ADK: variants seen among roughly 807,000 people sequenced by gnomAD.
ADK encodes the protein N6,N6-dimethyladenosine kinase.
A neutral mutation model predicts 44.7 loss-of-function variants in ADK; 24 were observed. The observed-to-expected ratio is 0.54, with a 90% CI of 0.39 to 0.76. The LOEUF is 0.76. Ranked by LOEUF, ADK falls within the 30% of genes least tolerant of loss-of-function variation. The probability of loss-of-function intolerance (pLI) is 0.00; values close to 1 mark genes in which losing one functional copy is unlikely to be tolerated. For missense variants in ADK, 321 were observed against 425.1 expected, an observed-to-expected ratio of 0.76 and a Z score of 2.15; for synonymous variants, 128 against 142.6, an observed-to-expected ratio of 0.90 and a Z score of 0.73.
intron 9 of ADK, among the ~76,000 whole-genome samples, chr10:74,651,474 T>C (rs1295599833): frequency 6.6e-6 from 1 of 152,190 alleles, no homozygotes; most frequent in African/African-American, 2.4e-5. Context: ...TAAGGGGTTG[T>C]ATTATGCAGC....
intron 2 of ADK, among the ~76,000 whole-genome samples, chr10:74,202,250 T>G (rs911276088): frequency 2.6e-5 from 4 of 152,250 alleles, no homozygotes; most frequent in African/African-American, 9.6e-5. Context: ...ATTTTACTTA[T>G]GTAATGCTTT....
chr10:74,595,676 C>CAAGAAATGAAA (rs768207911), intron 8 of ADK, among the ~76,000 whole-genome samples: 3 of 138,640 alleles, frequency 2.2e-5, no homozygotes, highest in Admixed American at 7.2e-5. Context: ...GCGCCCATCG[C>CAAGAAATGAAA]CATATCAGTT....
intron 3 of ADK, among the ~76,000 whole-genome samples, chr10:74,279,022 T>G (rs1299857291): frequency 6.6e-6 from 1 of 152,224 alleles, no homozygotes; most frequent in African/African-American, 2.4e-5. Context: ...GGCTCACGCC[T>G]GTAATCCCAG....
At position 74,246,024 on chromosome 10, in the gene ADK, T is replaced by TA. The variant is rs893376243; in HGVS notation, c.194+21441dup. 4.6e-5 allele frequency among the ~76,000 whole-genome samples: 7 copies of TA among 151,836 alleles called. 1 individual carries two copies. Among genetic ancestry groups the TA allele is most frequent in the South Asian group, 4.2e-4 (2 of 4,806 alleles). On this transcript the variant is annotated intron_variant, in intron 3 of 10. Transcript: ENST00000539909. ...GATGAGGATAAGTGTATATTCAGGTTAAAAAAAATCAAAATATTATTGTCA... is the reference window on the plus strand; with the variant it reads ...GATGAGGATAAGTGTATATTCAGGTTAAAAAAAAATCAAAATATTATTGTCA...
At chr10:74,605,700 A>AT (rs1227152506) in intron 9 of ADK, among the ~76,000 whole-genome samples, 1 of 152,010 alleles carries the variant, frequency 6.6e-6, no homozygotes, top group African/African-American at 2.4e-5. Flanking sequence ...TTGGCCTGAA[A>AT]TTTTCTTTTT....
chr10:74,188,984 G>T (rs1252640414), intron 1 of ADK, among the ~76,000 whole-genome samples: 4 of 152,030 alleles, frequency 2.6e-5, no homozygotes, highest in Non-Finnish European at 5.9e-5. Flanking sequence ...TGTTGGCCAG[G>T]CTGGTCTCTA....
rs1185036462 is a variant in ADK at position 74,303,588 on chromosome 10, G to GT, written c.195-11053dup. 7.1e-3 allele frequency among the ~76,000 whole-genome samples: 490 copies of GT among 68,544 alleles called. 54 individuals are homozygous for GT. The highest frequency in any genetic ancestry group is 0.018 in the East Asian group (40 of 2,178). 45.0% of individuals were successfully genotyped at this position (68,544 alleles called of 152,430 possible). On this transcript the variant is annotated intron_variant, in intron 3 of 10. Coordinates refer to ENST00000539909, the MANE Select transcript of ADK (RefSeq NM_006721.4). ...CACTTTTCATATTGGTTTTAATGTT[G>GT]TTTTTTTTTTTTTTTTTTTTTTTTT...
chr10:74,427,050 G>GA (rs1844822315), intron 6 of ADK, among the ~76,000 whole-genome samples: 2 of 152,140 alleles, frequency 1.3e-5, no homozygotes, highest in Admixed American at 1.3e-4. Context: ...TATCCATACC[G>GA]AAAGGGGATA....
chr10:74,385,281 G>A (rs1843106145), intron 4 of ADK, among the ~76,000 whole-genome samples: 2 of 152,240 alleles, frequency 1.3e-5, no homozygotes, highest in South Asian at 4.2e-4. Flanking sequence ...GAGTAAAAGT[G>A]TGTCAATTTA....
chr10:74,675,922 G>A (rs980391564), intron 10 of ADK, among the ~76,000 whole-genome samples: 4 of 151,822 alleles, frequency 2.6e-5, no homozygotes, highest in Non-Finnish European at 4.4e-5. Context: ...ATATGGACAG[G>A]ACCTACAAAT....
At chr10:74,324,829 C>T (rs1840951785) in intron 4 of ADK, among the ~76,000 whole-genome samples, 1 of 152,178 alleles carries the variant, frequency 6.6e-6, no homozygotes, top group Non-Finnish European at 1.5e-5. Flanking sequence ...TACCTGTTTT[C>T]CATAATGGCT....
At chr10:74,361,888 A>G (rs1425056822) in intron 4 of ADK, among the ~76,000 whole-genome samples, 1 of 152,068 alleles carries the variant, frequency 6.6e-6, no homozygotes, top group African/African-American at 2.4e-5. Context: ...ATTCTTCCAC[A>G]TTTTCCTGGC....
intron 3 of ADK, among the ~76,000 whole-genome samples, chr10:74,243,853 CA>C: frequency 6.6e-6 from 1 of 152,040 alleles, no homozygotes; most frequent in East Asian, 1.9e-4. Context: ...GATTACGTCT[CA>C]AAAAAAATTT....
At chr10:74,609,185 A>G (rs1852451008) in intron 9 of ADK, among the ~76,000 whole-genome samples, 1 of 152,160 alleles carries the variant, frequency 6.6e-6, no homozygotes, top group African/African-American at 2.4e-5. Flanking sequence ...CCGTCGGGGC[A>G]GGATCCGCTG....
Position 74,392,829 on chromosome 10 carries a change from T to C in ADK, c.274-1312T>C, listed in dbSNP as rs368228177. The stretch of plus-strand genomic sequence containing the variant: ...ATTTTTTTTTGAAGTTAACAAAATA[T>C]CCTGGAAATTACTTTGTATAGAAGG... On this transcript the variant is annotated intron_variant, in intron 4 of 10. Transcript: ENST00000539909. Among the ~76,000 whole-genome samples, 7 of 152,256 alleles carry C rather than the reference T, an allele frequency of 4.6e-5. No homozygotes were observed. In the East Asian group the frequency reaches 1.2e-3, roughly 25 times the overall value.
At chr10:74,621,430 TG>T (rs1191756408) in intron 9 of ADK, among the ~76,000 whole-genome samples, 7 of 152,212 alleles carry the variant, frequency 4.6e-5, no homozygotes, top group African/African-American at 1.4e-4. Context: ...TTGGTCTTTG[TG>T]TCTGTTTTTA....
In ADK at chr10:74,246,119, AG is replaced by A. The variant is rs372309668; in HGVS notation, c.194+21536del. Among the ~76,000 whole-genome samples the A allele has an allele frequency of 2.9e-4, 44 of 149,794 alleles. 1 individual carries two copies. The highest frequency in any genetic ancestry group is 6.9e-3 in the Middle Eastern group (2 of 288). Reference sequence around the variant, plus strand: ...TTGTGATTCAAGGGCCTCTTGTGGGAGGGGGGGGTCAGGGGTCCTTAAGACC... The same window carrying A: ...TTGTGATTCAAGGGCCTCTTGTGGGAGGGGGGGTCAGGGGTCCTTAAGACC... On this transcript the variant is annotated intron_variant, in intron 3 of 10. Coordinates refer to ENST00000539909, the MANE Select transcript of ADK (RefSeq NM_006721.4).
intron 7 of ADK, chr10:74,527,578 A>G (rs10824200): frequency 0.72 from 546,052 of 759,174 alleles, 202,997 homozygotes; most frequent in African/African-American, 0.94. Context: ...TTTGGAGGAT[A>G]ACGAGATAGC....
At chr10:74,466,620 C>T (rs577435113) in intron 6 of ADK, among the ~76,000 whole-genome samples, 1 of 152,138 alleles carries the variant, frequency 6.6e-6, no homozygotes. Flanking sequence ...AATGGAAAAA[C>T]AGCAGAAAAT....
Sources: allele counts gnomAD v4.1 joint callset (sites outside exome capture counted in the v4.1 genomes callset), GRCh38; gene constraint gnomAD v4.1.1; transcripts MANE v1.5; gene names NCBI Gene and HGNC (gene_info 2026-07-23, HGNC 2026-07-21).